USP45: variants seen among roughly 807,000 people sequenced by gnomAD.
USP45 encodes the protein ubiquitin carboxyl-terminal hydrolase 45.
In USP45, 89 loss-of-function variants were observed where a neutral mutation model predicts 95.8. That is an observed-to-expected ratio of 0.93 (90% CI 0.78 to 1.11). The LOEUF (loss-of-function observed/expected upper bound fraction) is 1.11. Among genes scored for constraint, USP45 ranks in the 50% least tolerant of loss-of-function variants. USP45 has a pLI of 0.00. For synonymous variants in USP45, 281 were observed against 316.2 expected (o/e 0.89, Z 1.18); for missense variants, 898 against 942.5 (o/e 0.95, Z 0.62).
At chr6:99,476,116 T>C (rs756252359) in intron 9 of USP45, 27 bp downstream of exon 9, 25 of 1,596,140 alleles carry the variant, frequency 1.6e-5, no homozygotes, top group Non-Finnish European at 2.1e-5. Context: ...TTGAAGAGAA[T>C]ACATGATATA....
chr6:99,461,373 C>G (rs1200232322), intron 13 of USP45: 1 of 985,152 alleles, frequency 1.0e-6, no homozygotes, highest in African/African-American at 1.7e-5. Flanking sequence ...GCTCATTTTA[C>G]CTTAGTTTTT....
chr6:99,460,876 A>G (rs1786281510), intron 13 of USP45: 3 of 975,132 alleles, frequency 3.1e-6, no homozygotes, highest in Non-Finnish European at 3.7e-6. Context: ...AAATTATTCA[A>G]TTAAAACCAA....
Position 99,447,318 on chromosome 6 carries a change from TAAAG to T in USP45, c.1309-859_1309-856del, listed in dbSNP as rs546276867. Among the ~76,000 whole-genome samples, 119 of 152,254 alleles carry T rather than the reference TAAAG, an allele frequency of 7.8e-4. 1 individual carries two copies. Among genetic ancestry groups the T allele is most frequent in the Admixed American group, 5.6e-3 (86 of 15,292 alleles). ...TTGGCTGAAGGGTCAAGACAAAAAA[TAAAG>T]AAAAGACTATCATGAGTAATTGATA... On this transcript the variant is annotated intron_variant, in intron 13 of 17. Coordinates refer to ENST00000500704, the MANE Select transcript of USP45 (RefSeq NM_001346022.3).
chr6:99,487,444 T>C (rs1011872904), intron 7 of USP45, among the ~76,000 whole-genome samples: 1 of 152,044 alleles, frequency 6.6e-6, no homozygotes, highest in African/African-American at 2.4e-5. Flanking sequence ...CTGCTCTTTT[T>C]TTCATCTTTC....
At chr6:99,512,751 G>A (rs536758801) in intron 1 of USP45, among the ~76,000 whole-genome samples, 2 of 152,232 alleles carry the variant, frequency 1.3e-5, no homozygotes, top group African/African-American at 4.8e-5. Flanking sequence ...AAGGGCTTCC[G>A]GGTTAGGAAC....
rs1344662482 is a variant in USP45 at position 99,433,119 on chromosome 6, A to T, written c.*2597T>A. Reference sequence around the variant, plus strand: ...CATCTTCCCCACTCAGCCTCCCAACAGCATGAGCCACCATGCCTGGCTAAC... The same window carrying T: ...CATCTTCCCCACTCAGCCTCCCAACTGCATGAGCCACCATGCCTGGCTAAC... On this transcript the variant is annotated 3_prime_UTR_variant, in exon 18 of 18. Coordinates refer to ENST00000500704, the MANE Select transcript of USP45 (RefSeq NM_001346022.3). The T allele has an allele frequency of 6.6e-6, 1 of 152,256 alleles. No homozygotes were observed. Among genetic ancestry groups the T allele is most frequent in the African/African-American group, 2.4e-5 (1 of 41,436 alleles). 9.4% of individuals were successfully genotyped at this position (152,256 alleles called of 1,614,324 possible).
At chr6:99,462,391 G>C (rs1786683849) in intron 13 of USP45, 2 of 984,132 alleles carry the variant, frequency 2.0e-6, no homozygotes, top group South Asian at 9.4e-5. Context: ...AACTACTTTG[G>C]CCAGTACCAC....
chr6:99,500,018 G>C (rs1249871834), intron 5 of USP45, among the ~76,000 whole-genome samples: 1 of 152,142 alleles, frequency 6.6e-6, no homozygotes, highest in Non-Finnish European at 1.5e-5. Context: ...GAAATATAAA[G>C]TACTAAGGAA....
chr6:99,515,117 G>A (rs1247034964), intron 1 of USP45: 2 of 152,380 alleles, frequency 1.3e-5, no homozygotes, highest in Non-Finnish European at 2.9e-5. Flanking sequence ...GGGCCGCCGC[G>A]CGCCCAGGTC....
At chr6:99,451,584 T>C (rs1321072778) in intron 13 of USP45, among the ~76,000 whole-genome samples, 5 of 152,154 alleles carry the variant, frequency 3.3e-5, no homozygotes, top group Admixed American at 6.5e-5. Flanking sequence ...AGAATCAATA[T>C]TGTGAAAATG....
intron 10 of USP45, among the ~76,000 whole-genome samples, chr6:99,467,108 C>T (rs1470068867): frequency 2.6e-5 from 4 of 152,112 alleles, no homozygotes; most frequent in Non-Finnish European, 4.4e-5. Flanking sequence ...GGAGATTATG[C>T]TATCAGGACT....
chr6:99,490,665 G>A (rs1020372776), intron 5 of USP45, among the ~76,000 whole-genome samples: 1 of 152,072 alleles, frequency 6.6e-6, no homozygotes, highest in African/African-American at 2.4e-5. Flanking sequence ...ATAAAAATTC[G>A]AAACACATAA....
chr6:99,441,597 T>C (rs1178145023), intron 15 of USP45, among the ~76,000 whole-genome samples: 1 of 152,186 alleles, frequency 6.6e-6, no homozygotes, highest in African/African-American at 2.4e-5. Context: ...TAGCAGGTGT[T>C]ACCAACTTAC....
At chr6:99,481,231 A>G (rs1258540323) in intron 8 of USP45, among the ~76,000 whole-genome samples, 1 of 152,254 alleles carries the variant, frequency 6.6e-6, no homozygotes, top group African/African-American at 2.4e-5. Flanking sequence ...ATGTGCTAAC[A>G]TGGAAAGATG....
At chr6:99,463,442 A>G (rs768416286) in intron 13 of USP45, among the ~76,000 whole-genome samples, 1 of 152,222 alleles carries the variant, frequency 6.6e-6, no homozygotes. Flanking sequence ...TAAAGGTGAC[A>G]GAGGAATCTG....
intron 16 of USP45, 88 bp from the exon 17 acceptor site, chr6:99,437,487 T>TA: frequency 7.8e-7 from 1 of 1,285,438 alleles, no homozygotes; most frequent in Non-Finnish European, 1.0e-6. Flanking sequence ...CTGCTTAACA[T>TA]AAGAAAAATG....
intron 8 of USP45, among the ~76,000 whole-genome samples, chr6:99,479,019 A>C (rs962645558): frequency 9.9e-5 from 15 of 151,910 alleles, no homozygotes; most frequent in Non-Finnish European, 1.6e-4. Context: ...CAACAAAAAA[A>C]AAAACAGGTA....
chr6:99,442,628 C>T (rs954447341), intron 15 of USP45, among the ~76,000 whole-genome samples: 2 of 152,106 alleles, frequency 1.3e-5, no homozygotes, highest in Non-Finnish European at 2.9e-5. Flanking sequence ...GGGCGGATCA[C>T]CTGAGGTCAG....
chr6:99,506,776 C>T (rs1219381143), intron 4 of USP45, among the ~76,000 whole-genome samples: 1 of 152,228 alleles, frequency 6.6e-6, no homozygotes, highest in East Asian at 1.9e-4. Context: ...GCTCTTCCCT[C>T]TCCCTTCAGA....
Sources: allele counts gnomAD v4.1 joint callset (sites outside exome capture counted in the v4.1 genomes callset), GRCh38; gene constraint gnomAD v4.1.1; transcripts MANE v1.5; gene names NCBI Gene and HGNC (gene_info 2026-07-23, HGNC 2026-07-21).